The following HNF1B variants were observed in gnomAD, a reference collection of about 807,000 sequenced individuals.
The protein encoded by HNF1B is HNF1 homeobox B.
A neutral mutation model predicts 61.7 loss-of-function variants in HNF1B; 8 were observed. The observed-to-expected ratio is 0.13, with a 90% CI of 0.08 to 0.23. The LOEUF is 0.23. Among genes scored for constraint, HNF1B ranks in the 10% least tolerant of loss-of-function variants. HNF1B has a pLI of 1.00. For synonymous variants in HNF1B, 314 were observed against 287.7 expected (o/e 1.09, Z -0.93); for missense variants, 562 against 714.5 (o/e 0.79, Z 2.43).
In HNF1B at chr17:37,733,794, C is replaced by G. The variant is rs760067839; in HGVS notation, c.572G>C (p.Gly191Ala). 1 of 1,614,188 alleles carries G rather than the reference C, an allele frequency of 6.2e-7. No homozygotes were observed. Among genetic ancestry groups the G allele is most frequent in the Non-Finnish European group, 8.5e-7 (1 of 1,180,042 alleles). Reference sequence around the variant, plus strand: ...CTGACTGCTTTTGTCTGTCATATTTCCAGAACTCTGGACTGTCTGGTTGAA... The same window carrying G: ...CTGACTGCTTTTGTCTGTCATATTTGCAGAACTCTGGACTGTCTGGTTGAA... ...RQFNQTVQSS[G>A]NMTDKSSQDQ... The change falls in exon 3 of 9, where the codon GGA (glycine) becomes GCA (alanine). Residue 191 changes from glycine to alanine, a missense_variant. Transcript: ENST00000617811.
chr17:37,686,745 G>C lies in HNF1B; in HGVS notation c.*627C>G, dbSNP rs1162485293. On this transcript the variant is annotated 3_prime_UTR_variant, in exon 9 of 9. Coordinates refer to ENST00000617811, the MANE Select transcript of HNF1B (RefSeq NM_000458.4). ...CTTAGGATGTTTCTCCATGAGGGGA[G>C]AGGGGACAGATCACTTTTGAAATTT... 1 of 177,854 alleles carries C rather than the reference G, an allele frequency of 5.6e-6. No homozygotes were observed. The highest frequency in any genetic ancestry group is 1.2e-5 in the Non-Finnish European group (1 of 82,078). 11.0% of individuals were successfully genotyped at this position (177,854 alleles called of 1,614,324 possible). A position where few individuals can be genotyped will look rare whatever the true frequency, so the allele number is the denominator to read the frequency against.
At chr17:37,693,814 C>T (rs1361692675) in intron 8 of HNF1B, among the ~76,000 whole-genome samples, 13 of 152,202 alleles carry the variant, frequency 8.5e-5, no homozygotes, top group African/African-American at 2.9e-4. Flanking sequence ...TGGCTCAGCG[C>T]CATCCCCTTG....
At chr17:37,721,488 C>T (rs965572202) in intron 4 of HNF1B, among the ~76,000 whole-genome samples, 1 of 152,130 alleles carries the variant, frequency 6.6e-6, no homozygotes, top group Non-Finnish European at 1.5e-5. Flanking sequence ...GCCCTCATCC[C>T]ACACCCTCAT....
chr17:37,688,689 G>A (rs2032076397), intron 8 of HNF1B, among the ~76,000 whole-genome samples: 1 of 152,154 alleles, frequency 6.6e-6, no homozygotes. Flanking sequence ...TCTTGGACAA[G>A]TTACTCTCTC....
intron 1 of HNF1B, among the ~76,000 whole-genome samples, chr17:37,742,647 C>G (rs1313977521): frequency 1.3e-5 from 2 of 152,080 alleles, no homozygotes; most frequent in African/African-American, 4.8e-5. Context: ...CGAGGGTCTC[C>G]GGCTCCCCAG....
chr17:37,723,682 T>C (rs999407933), intron 4 of HNF1B, among the ~76,000 whole-genome samples: 1 of 152,024 alleles, frequency 6.6e-6, no homozygotes, highest in African/African-American at 2.4e-5. Flanking sequence ...ACTCAAATTC[T>C]TTAAAAATCA....
rs1161222192 is a variant in HNF1B, at chr17:37,708,284, G to A, written c.1206+2219C>T. Among the ~76,000 whole-genome samples the A allele has an allele frequency of 2.0e-5, 3 of 152,216 alleles. 1 individual carries two copies. The highest frequency in any genetic ancestry group is 4.1e-4 in the South Asian group (2 of 4,832). On this transcript the variant is annotated intron_variant, in intron 5 of 8. Coordinates refer to ENST00000617811, the MANE Select transcript of HNF1B (RefSeq NM_000458.4). ...CTCTGATGATAGTGACACAGCACAT[G>A]CACTAGGGTGTTGGAGACAAGAGAA...
chr17:37,701,929 G>A (rs760574883), intron 6 of HNF1B, among the ~76,000 whole-genome samples: 2 of 152,180 alleles, frequency 1.3e-5, no homozygotes, highest in Non-Finnish European at 2.9e-5. Context: ...AGATGTCAGG[G>A]CCTCTGTAAC....
chr17:37,697,631 C>T (rs959354624), intron 8 of HNF1B, among the ~76,000 whole-genome samples: 1 of 152,180 alleles, frequency 6.6e-6, no homozygotes, highest in African/African-American at 2.4e-5. Flanking sequence ...CAAGGAGGGC[C>T]GCTGCGCCTG....
At chr17:37,694,438 GCCCC>G (rs199518020) in intron 8 of HNF1B, among the ~76,000 whole-genome samples, 7,679 of 29,502 alleles carry the variant, frequency 0.26, 1,684 homozygotes, top group Middle Eastern at 0.41. Flanking sequence ...CCGCCCCGCC[GCCCC>G]CCCCCCCCCC....
intron 2 of HNF1B, among the ~76,000 whole-genome samples, chr17:37,737,309 T>A (rs191028635): frequency 6.6e-6 from 1 of 152,308 alleles, no homozygotes; most frequent in Admixed American, 6.5e-5. Context: ...ATTTAGCAAT[T>A]CCTCTGCTGC....
At chr17:37,687,457 T>C in intron 8 of HNF1B, 65 bp from the exon 9 acceptor site, 1 of 1,308,810 alleles carries the variant, frequency 7.6e-7, no homozygotes, top group Admixed American at 1.7e-5. Context: ...GCCATTAGTT[T>C]GGCTTCTCTA....
At position 37,694,453 on chromosome 17, in the gene HNF1B, C is replaced by G. The variant is rs1205816264; in HGVS notation, c.1653+4623G>C. ...CCGCCCCGCCGCCCCCCCCCCCCCC[C>G]GCAAAAAAAAAAGATACTTGAAGAT... On this transcript the variant is annotated intron_variant, in intron 8 of 8. Transcript: ENST00000617811. Among the ~76,000 whole-genome samples the G allele has an allele frequency of 6.7e-4, 45 of 67,184 alleles. 1 individual carries two copies. Among genetic ancestry groups the G allele is most frequent in the Non-Finnish European group, 1.3e-3 (32 of 25,334 alleles). 44.1% of individuals were successfully genotyped at this position (67,184 alleles called of 152,430 possible).
intron 8 of HNF1B, among the ~76,000 whole-genome samples, chr17:37,693,913 A>G (rs2032289708): frequency 1.3e-5 from 2 of 152,074 alleles, no homozygotes; most frequent in Admixed American, 6.6e-5. Context: ...CTTGCTCTTT[A>G]TCTCACCATA....
chr17:37,723,145 C>T (rs1444241438), intron 4 of HNF1B, among the ~76,000 whole-genome samples: 2 of 151,692 alleles, frequency 1.3e-5, no homozygotes, highest in African/African-American at 4.9e-5. Flanking sequence ...GGAGACCATC[C>T]TGGCTAACAC....
chr17:37,704,343 T>C (rs1174889007), intron 6 of HNF1B, among the ~76,000 whole-genome samples: 1 of 152,168 alleles, frequency 6.6e-6, no homozygotes, highest in Non-Finnish European at 1.5e-5. Flanking sequence ...TTTTCAAAGC[T>C]CTCAGATACA....
chr17:37,727,043 A>G lies in HNF1B; in HGVS notation c.1045+4552T>C, dbSNP rs2033522919. On this transcript the variant is annotated intron_variant, in intron 4 of 8. Transcript: ENST00000617811. ...GGTACAGGGAGCAAGGTCGCCACAG[A>G]TCACACAGCAGATACCACAGCTTGG... Among the ~76,000 whole-genome samples the G allele has an allele frequency of 1.3e-5, 2 of 152,112 alleles. 1 individual carries two copies. The highest frequency in any genetic ancestry group is 1.3e-4 in the Admixed American group (2 of 15,278).
chr17:37,711,476 G>T (rs1186135752), intron 4 of HNF1B, among the ~76,000 whole-genome samples: 1 of 152,208 alleles, frequency 6.6e-6, no homozygotes, highest in Non-Finnish European at 1.5e-5. Flanking sequence ...TCGCTGCTCT[G>T]ACCCTCCCTC....
chr17:37,744,096 G>A lies in HNF1B; in HGVS notation c.344+445C>T, dbSNP rs538451017. Among the ~76,000 whole-genome samples, 71 of 152,366 alleles carry A rather than the reference G, an allele frequency of 4.7e-4. 1 individual carries two copies. The South Asian group carries it at 0.015, about 32-fold the overall frequency. Reference sequence around the variant, plus strand: ...GGTCATCATGCAGGTCAATGTGTCCGAGGCCGACATGCGGCTTTCCAGACC... The same window carrying A: ...GGTCATCATGCAGGTCAATGTGTCCAAGGCCGACATGCGGCTTTCCAGACC... On this transcript the variant is annotated intron_variant, in intron 1 of 8. Coordinates refer to ENST00000617811, the MANE Select transcript of HNF1B (RefSeq NM_000458.4).
Sources: allele counts gnomAD v4.1 joint callset (sites outside exome capture counted in the v4.1 genomes callset), GRCh38; gene constraint gnomAD v4.1.1; transcripts MANE v1.5; gene names NCBI Gene and HGNC (gene_info 2026-07-23, HGNC 2026-07-21).